The following NACC2 variants were observed in gnomAD, a reference collection of about 807,000 sequenced individuals.
The protein encoded by NACC2 is nucleus accumbens-associated protein 2.
In NACC2, 8 loss-of-function variants were observed where a neutral mutation model predicts 25.1. That is an observed-to-expected ratio of 0.32 (90% CI 0.19 to 0.57). The LOEUF is 0.57. Ranked by LOEUF, NACC2 falls within the 20% of genes least tolerant of loss-of-function variation. The pLI is 0.89. For missense variants in NACC2, 644 were observed against 650.2 expected (o/e 0.99, Z 0.10); for synonymous variants, 435 against 294.7 (o/e 1.48, Z -4.88).
At chr9:136,059,664 G>A (rs932298068) in intron 1 of NACC2, among the ~76,000 whole-genome samples, 2 of 152,206 alleles carry the variant, frequency 1.3e-5, no homozygotes, top group South Asian at 2.1e-4. Context: ...AGCCGGCCAC[G>A]GGGACACCCT....
intron 1 of NACC2, among the ~76,000 whole-genome samples, chr9:136,053,287 T>C (rs1415648743): frequency 6.6e-6 from 1 of 152,138 alleles, no homozygotes; most frequent in Non-Finnish European, 1.5e-5. Context: ...AAAAAGCCAC[T>C]GAATGGGGAC....
In NACC2 at chr9:136,010,327, C is replaced by T. The variant is rs1157614171; in HGVS notation, c.*1189G>A. 1 of 153,324 alleles carries T rather than the reference C, an allele frequency of 6.5e-6. No individual in the cohort carries two copies. The highest frequency in any genetic ancestry group is 1.5e-5 in the Non-Finnish European group (1 of 68,924). 9.5% of individuals were successfully genotyped at this position (153,324 alleles called of 1,614,324 possible). Reference sequence around the variant, plus strand: ...ACACCCCTCAAGGCAGACGGGGAGCCCAGCACCGGGAGGACCGACTCTCGC... The same window carrying T: ...ACACCCCTCAAGGCAGACGGGGAGCTCAGCACCGGGAGGACCGACTCTCGC... On this transcript the variant is annotated 3_prime_UTR_variant, in exon 6 of 6. Coordinates refer to ENST00000277554, the MANE Select transcript of NACC2 (RefSeq NM_144653.5). The surrounding 1 kb of genome is among the most constrained non-coding windows in gnomAD (Gnocchi z 4.9).
chr9:136,038,608 T>A (rs1840587810), intron 2 of NACC2, among the ~76,000 whole-genome samples: 4 of 152,208 alleles, frequency 2.6e-5, no homozygotes, highest in South Asian at 4.1e-4. Flanking sequence ...TGTTATAATA[T>A]GTAAAATTTA....
intron 2 of NACC2, among the ~76,000 whole-genome samples, chr9:136,044,808 G>C (rs914077717): frequency 0.044 from 6,722 of 152,300 alleles, 372 homozygotes; most frequent in African/African-American, 0.12. Flanking sequence ...GGGTAATGGT[G>C]GGGGGTGAGT....
At chr9:136,048,072 T>G (rs952068717) in intron 2 of NACC2, among the ~76,000 whole-genome samples, 1,631 of 152,274 alleles carry the variant, frequency 0.011, 6 homozygotes, top group Middle Eastern at 0.017. Flanking sequence ...GGCAGGGCCC[T>G]GTCTGGCTGC....
chr9:136,059,885 A>C (rs538113087), intron 1 of NACC2, among the ~76,000 whole-genome samples: 2 of 152,010 alleles, frequency 1.3e-5, no homozygotes, highest in African/African-American at 4.8e-5. Context: ...CTCCACCCTA[A>C]CTCAATTGCA....
In NACC2 at chr9:136,086,982, T is replaced by C. The variant is rs1372768808; in HGVS notation, c.-60+8207A>G. On this transcript the variant is annotated intron_variant, in intron 1 of 5. Transcript: ENST00000277554. The surrounding 1 kb of genome is among the most constrained non-coding windows in gnomAD (Gnocchi z 5.6). ...TTTGGAAACAGGGTCTTTACAGATA[T>C]CATTAGTGAAAGGTAAGATGAGATA... Among the ~76,000 whole-genome samples the C allele has an allele frequency of 1.3e-5, 2 of 152,176 alleles. No individual in the cohort carries two copies. The highest frequency in any genetic ancestry group is 2.9e-5 in the Non-Finnish European group (2 of 68,036).
At position 136,011,633 on chromosome 9, in the gene NACC2, G is replaced by A. The variant is rs1199329883; in HGVS notation, c.1647C>T (p.Pro549=). 26 of 1,402,256 alleles carry A rather than the reference G, an allele frequency of 1.9e-5. No individual in the cohort carries two copies. The South Asian group carries it at 1.9e-4, about 10-fold the overall frequency. The allele number at this position is 1,402,256 out of a possible 1,614,324, so 86.9% of individuals were successfully genotyped here. A position where few individuals can be genotyped will look rare whatever the true frequency, so the allele number is the denominator to read the frequency against. The part of the protein sequence containing the change: ...IQEVAAPEPL[P]ADGQSPPQPF... ...GCTGTGGGGGGCTCTGGCCATCGGCGGGCAGCGGCTCGGGGGCGGCCACCT... is the reference window on the plus strand; with the variant it reads ...GCTGTGGGGGGCTCTGGCCATCGGCAGGCAGCGGCTCGGGGGCGGCCACCT... Residue 549 remains proline, a synonymous_variant, in exon 6 of 6, where the codon CCC becomes CCT. Coordinates refer to ENST00000277554, the MANE Select transcript of NACC2 (RefSeq NM_144653.5).
intron 2 of NACC2, among the ~76,000 whole-genome samples, chr9:136,028,376 C>CTTTTT (rs756007174): frequency 7.5e-6 from 1 of 133,206 alleles, no homozygotes; most frequent in Non-Finnish European, 1.6e-5. Context: ...CCTTTGCTTC[C>CTTTTT]TTTTTTTTTT....
At chr9:136,085,490 G>C (rs899019589) in intron 1 of NACC2, among the ~76,000 whole-genome samples, 3 of 151,194 alleles carry the variant, frequency 2.0e-5, no homozygotes, top group African/African-American at 7.3e-5. Flanking sequence ...CTGGGCGACA[G>C]AGCAAGACTC....
chr9:136,042,739 C>T (rs1840656633), intron 2 of NACC2, among the ~76,000 whole-genome samples: 1 of 150,336 alleles, frequency 6.7e-6, no homozygotes, highest in Admixed American at 6.7e-5. Context: ...CAGACACACA[C>T]AGACACAGAG....
chr9:136,061,918 G>A (rs1458106799), intron 1 of NACC2, among the ~76,000 whole-genome samples: 2 of 152,174 alleles, frequency 1.3e-5, no homozygotes, highest in African/African-American at 4.8e-5. Flanking sequence ...TCAGGAGTTC[G>A]AGACTAGCCT....
At chr9:136,053,360 G>C (rs1840876697) in intron 1 of NACC2, among the ~76,000 whole-genome samples, 1 of 152,216 alleles carries the variant, frequency 6.6e-6, no homozygotes, top group Non-Finnish European at 1.5e-5. Context: ...TTCGTGCCTA[G>C]TGTTTTCTGC....
chr9:136,021,380 G>A (rs1187949381), intron 2 of NACC2, among the ~76,000 whole-genome samples: 3 of 152,198 alleles, frequency 2.0e-5, no homozygotes, highest in African/African-American at 7.2e-5. Context: ...GTGCCGGCGA[G>A]GATGCGGGGC....
intron 1 of NACC2, among the ~76,000 whole-genome samples, chr9:136,082,916 C>A (rs549384464): frequency 6.6e-6 from 1 of 152,222 alleles, no homozygotes; most frequent in South Asian, 2.1e-4. Flanking sequence ...GCCCTCTCTA[C>A]GCCTAGGATT....
chr9:136,054,745 C>G (rs995788901), intron 1 of NACC2, among the ~76,000 whole-genome samples: 2 of 152,126 alleles, frequency 1.3e-5, no homozygotes, highest in Non-Finnish European at 2.9e-5. Flanking sequence ...ATTGTTTCCC[C>G]TTCTCGGTGA....
chr9:136,081,035 C>G (rs1830318218), intron 1 of NACC2, among the ~76,000 whole-genome samples: 1 of 152,130 alleles, frequency 6.6e-6, no homozygotes, highest in Admixed American at 6.5e-5. Context: ...AGTTTTCATC[C>G]CAGAACCCCA....
intron 1 of NACC2, among the ~76,000 whole-genome samples, chr9:136,094,035 C>A (rs1830460799): frequency 6.6e-6 from 1 of 152,224 alleles, no homozygotes; most frequent in Non-Finnish European, 1.5e-5. Flanking sequence ...TGCGGCCGCG[C>A]TGGCGGGCGG....
chr9:136,052,346 CCA>C (rs1202040357), intron 1 of NACC2, among the ~76,000 whole-genome samples: 1 of 152,122 alleles, frequency 6.6e-6, no homozygotes, highest in African/African-American at 2.4e-5. Flanking sequence ...CAGGACAGCC[CCA>C]GTGTCAAAGC....
Sources: gnomAD v4.1 joint callset for allele counts (sites outside exome capture counted in the v4.1 genomes callset) on GRCh38, gnomAD v4.1.1 for gene constraint, Gnocchi (gnomAD v3.1) non-coding constraint, MANE v1.5 for transcripts, NCBI Gene and HGNC (gene_info 2026-07-23, HGNC 2026-07-21) for gene names.